The following CYP7B1 variants were observed in gnomAD, a reference collection of about 807,000 sequenced individuals.
CYP7B1 encodes cytochrome P450 family 7 subfamily B member 1, also known as cytochrome P450 7B1.
A neutral mutation model predicts 42.7 loss-of-function variants in CYP7B1; 29 were observed. The observed-to-expected ratio is 0.68, with a 90% CI of 0.51 to 0.93. The LOEUF is 0.93. CYP7B1 is among the 40% of genes least tolerant of loss of function. The probability of loss-of-function intolerance (pLI) is 0.00; values close to 1 mark genes in which losing one functional copy is unlikely to be tolerated. For synonymous variants in CYP7B1, 235 were observed against 218.2 expected (o/e 1.08, Z -0.68); for missense variants, 655 against 600.5 (o/e 1.09, Z -0.95).
chr8:64,621,342 AAG>A (rs1170704088), intron 2 of CYP7B1, among the ~76,000 whole-genome samples: 2 of 152,224 alleles, frequency 1.3e-5, no homozygotes, highest in African/African-American at 4.8e-5. Context: ...GCTCCTACAG[AAG>A]TGATACTGGG....
At chr8:64,612,442 T>C (rs924385136) in intron 4 of CYP7B1, among the ~76,000 whole-genome samples, 4 of 152,136 alleles carry the variant, frequency 2.6e-5, no homozygotes, top group African/African-American at 9.7e-5. Context: ...ATAAAATATA[T>C]AGTTGTGTTT....
intron 1 of CYP7B1, among the ~76,000 whole-genome samples, chr8:64,740,935 T>C (rs540619667): frequency 7.2e-4 from 109 of 152,090 alleles, no homozygotes; most frequent in Non-Finnish European, 9.3e-4. Flanking sequence ...AAGGACAAAA[T>C]AATACCAATT....
chr8:64,770,055 G>C lies in CYP7B1; in HGVS notation c.122+28411C>G, dbSNP rs1804195575. Among the ~76,000 whole-genome samples the C allele has an allele frequency of 3.3e-5, 5 of 152,250 alleles. No homozygotes were observed. In the South Asian group the frequency reaches 1.0e-3, roughly 32 times the overall value. ...TGTGTGTGTGCGTGTGTGGACGCATGTGTGTGAATGTCCTCAGTTTCACCA... is the reference window on the plus strand; with the variant it reads ...TGTGTGTGTGCGTGTGTGGACGCATCTGTGTGAATGTCCTCAGTTTCACCA... On this transcript the variant is annotated intron_variant, in intron 1 of 5. Coordinates refer to ENST00000310193, the MANE Select transcript of CYP7B1 (RefSeq NM_004820.5).
chr8:64,718,780 T>C (rs1240338188), intron 1 of CYP7B1, among the ~76,000 whole-genome samples: 1 of 152,188 alleles, frequency 6.6e-6, no homozygotes, highest in African/African-American at 2.4e-5. Flanking sequence ...CACATTTGCA[T>C]CTGTGTCCCA....
chr8:64,756,075 C>T (rs944057634), intron 1 of CYP7B1, among the ~76,000 whole-genome samples: 1 of 152,158 alleles, frequency 6.6e-6, no homozygotes, highest in African/African-American at 2.4e-5. Flanking sequence ...GGTTTTGCAG[C>T]AGATAACCAG....
chr8:64,647,552 T>C (rs1233040295), intron 1 of CYP7B1, among the ~76,000 whole-genome samples: 1 of 152,204 alleles, frequency 6.6e-6, no homozygotes, highest in Non-Finnish European at 1.5e-5. Flanking sequence ...GATCTGCTTT[T>C]GGCAAGCTGG....
In CYP7B1 at chr8:64,689,285, A is replaced by G. The variant is rs112060721; in HGVS notation, c.123-64746T>C. Among the ~76,000 whole-genome samples the G allele has an allele frequency of 1.0e-2, 1,523 of 152,346 alleles. 12 individuals carry two copies. Among genetic ancestry groups the G allele is most frequent in the Non-Finnish European group, 0.015 (1,011 of 68,028 alleles). The stretch of plus-strand genomic sequence containing the variant: ...ATTTCTGGGGTTTACTTAAAGAGGG[A>G]AGGGTCATATTAACAACTGAATTTC... On this transcript the variant is annotated intron_variant, in intron 1 of 5. Coordinates refer to ENST00000310193, the MANE Select transcript of CYP7B1 (RefSeq NM_004820.5).
chr8:64,684,002 C>A (rs984000141), intron 1 of CYP7B1, among the ~76,000 whole-genome samples: 1 of 152,200 alleles, frequency 6.6e-6, no homozygotes, highest in Non-Finnish European at 1.5e-5. Context: ...TACCCCATCA[C>A]ACTCTCTCCC....
chr8:64,788,010 C>T (rs1804556599), intron 1 of CYP7B1, among the ~76,000 whole-genome samples: 1 of 152,170 alleles, frequency 6.6e-6, no homozygotes, highest in Non-Finnish European at 1.5e-5. Context: ...AAACCAGCCC[C>T]AAGATCCAAT....
intron 1 of CYP7B1, among the ~76,000 whole-genome samples, chr8:64,688,206 C>CA (rs1256382771): frequency 6.6e-6 from 1 of 152,214 alleles, no homozygotes; most frequent in African/African-American, 2.4e-5. Flanking sequence ...GAAGGTCCTG[C>CA]AGCAATGCCC....
At chr8:64,763,086 T>C (rs1324550818) in intron 1 of CYP7B1, among the ~76,000 whole-genome samples, 1 of 152,118 alleles carries the variant, frequency 6.6e-6, no homozygotes, top group Non-Finnish European at 1.5e-5. Context: ...CGTCCACCAC[T>C]GCTGTTTGCC....
In CYP7B1 at chr8:64,615,168, C is replaced by T. The variant is rs1805417830; in HGVS notation, c.915G>A (p.Met305Ile). 2 of 1,613,492 alleles carry T rather than the reference C, an allele frequency of 1.2e-6. No homozygotes were observed. The highest frequency in any genetic ancestry group is 1.7e-6 in the Non-Finnish European group (2 of 1,179,774). ...ANTIPTMFWA[M>I]YYLLRHPEAM... ...CTTCTGGGTGCCGCAGAAGATAATACATTGCCCAGAACATAGTTGGAATAG... is the reference window on the plus strand; with the variant it reads ...CTTCTGGGTGCCGCAGAAGATAATATATTGCCCAGAACATAGTTGGAATAG... The change falls in exon 4 of 6, where the codon ATG becomes ATA. Residue 305 changes from methionine to isoleucine, a missense_variant. Met to Ile is a conservative substitution (Grantham distance 10). Coordinates refer to ENST00000310193, the MANE Select transcript of CYP7B1 (RefSeq NM_004820.5).
intron 1 of CYP7B1, among the ~76,000 whole-genome samples, chr8:64,680,139 AGT>A (rs1227475380): frequency 6.6e-6 from 1 of 152,016 alleles, no homozygotes; most frequent in Non-Finnish European, 1.5e-5. Flanking sequence ...TCTACCTACA[AGT>A]GAGATCATGT....
At chr8:64,628,693 T>C (rs189504119) in intron 1 of CYP7B1, among the ~76,000 whole-genome samples, 12 of 151,844 alleles carry the variant, frequency 7.9e-5, no homozygotes, top group Non-Finnish European at 1.6e-4. Flanking sequence ...CAAAATGAAA[T>C]AAATAAAATG....
At chr8:64,762,346 A>T (rs938019221) in intron 1 of CYP7B1, among the ~76,000 whole-genome samples, 1 of 152,150 alleles carries the variant, frequency 6.6e-6, no homozygotes, top group African/African-American at 2.4e-5. Context: ...GATGGTATTG[A>T]TTTTCTCTTC....
At chr8:64,735,199 A>AT (rs1585884814) in intron 1 of CYP7B1, among the ~76,000 whole-genome samples, 1 of 152,140 alleles carries the variant, frequency 6.6e-6, no homozygotes, top group Non-Finnish European at 1.5e-5. Flanking sequence ...GATATACAAT[A>AT]TTTTTTCTAA....
At chr8:64,747,557 T>A (rs948726087) in intron 1 of CYP7B1, among the ~76,000 whole-genome samples, 1 of 151,460 alleles carries the variant, frequency 6.6e-6, no homozygotes, top group South Asian at 2.1e-4. Context: ...GAAAAAACCA[T>A]AAGGAGGAGG....
intron 1 of CYP7B1, among the ~76,000 whole-genome samples, chr8:64,679,775 G>C (rs895247744): frequency 2.0e-5 from 3 of 152,048 alleles, no homozygotes; most frequent in African/African-American, 7.2e-5. Flanking sequence ...ATAGAACTTG[G>C]TGTGTTTGAA....
chr8:64,645,803 C>T lies in CYP7B1; in HGVS notation c.123-21264G>A, dbSNP rs1224079157. ...CACTACCTGACTTCAAACTATACTA[C>T]AAGGCTACAGTAACCAAAACACCAT... is the stretch of plus-strand genomic sequence containing the variant. On this transcript the variant is annotated intron_variant, in intron 1 of 5. Coordinates refer to ENST00000310193, the MANE Select transcript of CYP7B1 (RefSeq NM_004820.5). 5.3e-5 allele frequency among the ~76,000 whole-genome samples: 8 copies of T among 152,242 alleles called. No homozygotes were observed. The South Asian group carries it at 1.0e-3, about 20-fold the overall frequency.
Sources: gnomAD v4.1 joint callset for allele counts (sites outside exome capture counted in the v4.1 genomes callset) on GRCh38, gnomAD v4.1.1 for gene constraint, MANE v1.5 for transcripts, NCBI Gene and HGNC (gene_info 2026-07-23, HGNC 2026-07-21) for gene names.